The following GNA14 variants were observed in gnomAD, a reference collection of about 807,000 sequenced individuals.
GNA14 encodes the protein guanine nucleotide-binding protein subunit alpha-14.
A neutral mutation model predicts 42.0 loss-of-function variants in GNA14; 50 were observed. That is an observed-to-expected ratio of 1.19 (90% CI 0.95 to 1.51). The LOEUF (loss-of-function observed/expected upper bound fraction) is 1.51. Ranked by LOEUF, GNA14 falls within the 40% of genes most tolerant of loss-of-function variation. The probability of loss-of-function intolerance (pLI) is 0.00; values close to 1 mark genes in which losing one functional copy is unlikely to be tolerated. For missense variants in GNA14, 473 were observed against 446.2 expected (o/e 1.06, Z -0.54); for synonymous variants, 173 against 163.1 (o/e 1.06, Z -0.46).
chr9:77,515,809 A>G (rs565643336), intron 2 of GNA14, among the ~76,000 whole-genome samples: 1 of 151,534 alleles, frequency 6.6e-6, no homozygotes, highest in Non-Finnish European at 1.5e-5. Context: ...ACAAAAAAAT[A>G]AAAAATTAGC....
At chr9:77,621,258 A>G (rs1446739680) in intron 1 of GNA14, among the ~76,000 whole-genome samples, 2 of 152,234 alleles carry the variant, frequency 1.3e-5, no homozygotes, top group Non-Finnish European at 2.9e-5. Context: ...CAGAAATTTC[A>G]GATGCTCAAA....
At chr9:77,486,108 T>C (rs1587792712) in intron 2 of GNA14, among the ~76,000 whole-genome samples, 1 of 152,348 alleles carries the variant, frequency 6.6e-6, no homozygotes, top group African/African-American at 2.4e-5. Context: ...GGCTGTTTCA[T>C]CTATATTGAA....
At chr9:77,452,561 T>TGGTGTGTG (rs759285629) in intron 2 of GNA14, among the ~76,000 whole-genome samples, 2 of 141,976 alleles carry the variant, frequency 1.4e-5, no homozygotes, top group Non-Finnish European at 1.5e-5. Context: ...TGTGTGTGTG[T>TGGTGTGTG]GTGTGTGTGT....
At chr9:77,590,213 G>A (rs1056765183) in intron 1 of GNA14, among the ~76,000 whole-genome samples, 4 of 151,954 alleles carry the variant, frequency 2.6e-5, no homozygotes, top group South Asian at 2.1e-4. Flanking sequence ...CACCGCACCC[G>A]GCCCCAAGTC....
intron 1 of GNA14, among the ~76,000 whole-genome samples, chr9:77,541,728 T>TC: frequency 6.6e-6 from 1 of 151,290 alleles, no homozygotes; most frequent in Admixed American, 6.5e-5. Context: ...CTTTGCACTT[T>TC]CTTTTTTCTT....
At chr9:77,472,812 C>A (rs2131722286) in intron 2 of GNA14, among the ~76,000 whole-genome samples, 1 of 151,876 alleles carries the variant, frequency 6.6e-6, no homozygotes, top group East Asian at 1.9e-4. Flanking sequence ...CTCTCTCTCT[C>A]TCTCTCCTCC....
In GNA14 at chr9:77,603,794, T is replaced by C. The variant is rs111958837; in HGVS notation, c.124+43876A>G. ...TCCTGGCTAACATGGTGAAACCCCG[T>C]CTCCACTAAAAATACAAAAAATAAT... On this transcript the variant is annotated intron_variant, in intron 1 of 6. Coordinates refer to ENST00000341700, the MANE Select transcript of GNA14 (RefSeq NM_004297.4). Among the ~76,000 whole-genome samples, 81 of 151,618 alleles carry C rather than the reference T, an allele frequency of 5.3e-4. 5 individuals are homozygous for C. Among genetic ancestry groups the C allele is most frequent in the African/African-American group, 1.9e-3 (78 of 41,352 alleles).
At chr9:77,452,566 GTGT>G (rs1835922996) in intron 2 of GNA14, among the ~76,000 whole-genome samples, 1 of 9,712 alleles carries the variant, frequency 1.0e-4, no homozygotes, top group Non-Finnish European at 3.5e-4. Flanking sequence ...GTGTGTGTGT[GTGT>G]GTATGTGCAT....
chr9:77,630,772 A>G (rs1020526133), intron 1 of GNA14, among the ~76,000 whole-genome samples: 1 of 152,182 alleles, frequency 6.6e-6, no homozygotes, highest in Admixed American at 6.5e-5. Flanking sequence ...GCAGCTACAA[A>G]TGTCTCTTTG....
chr9:77,436,236 G>A (rs1041190841), intron 2 of GNA14, among the ~76,000 whole-genome samples: 2 of 152,138 alleles, frequency 1.3e-5, no homozygotes, highest in African/African-American at 4.8e-5. Context: ...CAGGCAGGAT[G>A]GATTACTGGA....
intron 2 of GNA14, among the ~76,000 whole-genome samples, chr9:77,436,520 G>A (rs1307567674): frequency 6.6e-6 from 1 of 152,212 alleles, no homozygotes; most frequent in Non-Finnish European, 1.5e-5. Flanking sequence ...CATGCTGCAT[G>A]TCACGGACCC....
At chr9:77,597,636 A>T (rs985821672) in intron 1 of GNA14, among the ~76,000 whole-genome samples, 1 of 151,702 alleles carries the variant, frequency 6.6e-6, no homozygotes, top group Non-Finnish European at 1.5e-5. Context: ...GGTTTTTGCC[A>T]TACTTTAAAA....
chr9:77,576,180 G>T (rs1035492884), intron 1 of GNA14, among the ~76,000 whole-genome samples: 2 of 152,148 alleles, frequency 1.3e-5, no homozygotes, highest in African/African-American at 2.4e-5. Flanking sequence ...CTTGTTAAGG[G>T]AGAGAGATTG....
chr9:77,464,475 C>T (rs921260960), intron 2 of GNA14, among the ~76,000 whole-genome samples: 1 of 151,978 alleles, frequency 6.6e-6, no homozygotes, highest in Non-Finnish European at 1.5e-5. Flanking sequence ...TTAAGATGGG[C>T]TTCTAGCCAC....
chr9:77,467,138 T>G (rs537422699), intron 2 of GNA14, among the ~76,000 whole-genome samples: 1 of 152,082 alleles, frequency 6.6e-6, no homozygotes, highest in East Asian at 1.9e-4. Context: ...CGTCTCTTTC[T>G]GGGCACTCCT....
intron 2 of GNA14, among the ~76,000 whole-genome samples, chr9:77,527,617 C>T (rs1023378702): frequency 5.9e-5 from 9 of 152,146 alleles, no homozygotes; most frequent in Admixed American, 4.6e-4. Context: ...GGCTAATTCA[C>T]CCCACACAAT....
At chr9:77,545,104 A>G (rs1253997507) in intron 1 of GNA14, among the ~76,000 whole-genome samples, 1 of 152,234 alleles carries the variant, frequency 6.6e-6, no homozygotes, top group Non-Finnish European at 1.5e-5. Context: ...TAGACTTAAA[A>G]TCCTTAAGCC....
intron 1 of GNA14, among the ~76,000 whole-genome samples, chr9:77,566,012 T>G (rs909426259): frequency 6.6e-6 from 1 of 152,162 alleles, no homozygotes; most frequent in African/African-American, 2.4e-5. Context: ...CCAGGGTTGC[T>G]GTTAAACATC....
intron 1 of GNA14, among the ~76,000 whole-genome samples, chr9:77,543,408 A>G (rs1837683119): frequency 6.6e-6 from 1 of 152,230 alleles, no homozygotes; most frequent in Non-Finnish European, 1.5e-5. Flanking sequence ...GGTCTACCAC[A>G]GCTGCAGTGG....
Sources: gnomAD v4.1 joint callset for allele counts (sites outside exome capture counted in the v4.1 genomes callset) on GRCh38, gnomAD v4.1.1 for gene constraint, MANE v1.5 for transcripts, NCBI Gene and HGNC (gene_info 2026-07-23, HGNC 2026-07-21) for gene names.